PRMT8: variants seen among roughly 807,000 people sequenced by gnomAD.
PRMT8 encodes the protein protein arginine methyltransferase 8.
A neutral mutation model predicts 47.1 loss-of-function variants in PRMT8; 7 were observed. The ratio of observed to expected loss-of-function variants is 0.15; its 90% CI spans 0.08 to 0.28. PRMT8 has a LOEUF of 0.28. Among genes scored for constraint, PRMT8 ranks in the 10% least tolerant of loss-of-function variants. The pLI, the probability that PRMT8 is intolerant of heterozygous loss-of-function variation, is 1.00. For synonymous variants in PRMT8, 188 were observed against 186.5 expected (o/e 1.01, Z -0.07); for missense variants, 237 against 505.4 (o/e 0.47, Z 5.09).
At chr12:3,548,442 A>G (rs1591596618) in intron 2 of PRMT8, among the ~76,000 whole-genome samples, 1 of 152,268 alleles carries the variant, frequency 6.6e-6, no homozygotes, top group African/African-American at 2.4e-5. Flanking sequence ...ATATCTGATG[A>G]AGGACTAGCT....
At chr12:3,481,523 A>T (rs140446928) in intron 1 of PRMT8, among the ~76,000 whole-genome samples, 2 of 152,324 alleles carry the variant, frequency 1.3e-5, no homozygotes, top group African/African-American at 4.8e-5. Flanking sequence ...AATTCTGCAC[A>T]ACATCCAGCT....
At chr12:3,479,856 T>A (rs896639513) in intron 1 of PRMT8, among the ~76,000 whole-genome samples, 1 of 151,146 alleles carries the variant, frequency 6.6e-6, no homozygotes, top group African/African-American at 2.4e-5. Context: ...CTCTCAGATT[T>A]TTTTTTTTCA....
At chr12:3,486,488 G>GA (rs1865324729), upstream of PRMT8, among the ~76,000 whole-genome samples, 2 of 152,150 alleles carry the variant, frequency 1.3e-5, no homozygotes, top group East Asian at 1.9e-4. Context: ...AAAGTTAACA[G>GA]AAAAAAATAT....
chr12:3,575,559 G>GC (rs1327551447), intron 6 of PRMT8, among the ~76,000 whole-genome samples: 2 of 152,160 alleles, frequency 1.3e-5, no homozygotes, highest in Non-Finnish European at 2.9e-5. Context: ...TTGAGCCCTC[G>GC]CCCCCCTGTT....
intron 1 of PRMT8, among the ~76,000 whole-genome samples, chr12:3,388,115 G>A (rs759290544): frequency 3.3e-5 from 4 of 122,332 alleles, no homozygotes; most frequent in Non-Finnish European, 4.9e-5. Context: ...GGATCTAATT[G>A]AGGATCACAC....
chr12:3,568,614 CT>C (rs1483262514), intron 4 of PRMT8, 91 bp from the exon 5 acceptor site: 21 of 1,454,636 alleles, frequency 1.4e-5, no homozygotes, highest in Non-Finnish European at 1.8e-5. Flanking sequence ...CAGAATAGGG[CT>C]GAAACCTGGA....
intron 1 of PRMT8, among the ~76,000 whole-genome samples, chr12:3,536,300 C>T (rs559774334): frequency 6.6e-6 from 1 of 152,310 alleles, no homozygotes; most frequent in East Asian, 1.9e-4. Flanking sequence ...TGCCAGGCTG[C>T]AGACCAGGGT....
intron 1 of PRMT8, among the ~76,000 whole-genome samples, chr12:3,478,530 C>A (rs149680678): frequency 3.3e-5 from 5 of 152,294 alleles, no homozygotes; most frequent in Non-Finnish European, 7.3e-5. Flanking sequence ...CCTCAGATGA[C>A]ATGAAAGGAG....
intron 2 of PRMT8, among the ~76,000 whole-genome samples, chr12:3,545,731 A>T (rs900961039): frequency 6.6e-6 from 1 of 152,240 alleles, no homozygotes; most frequent in Admixed American, 6.5e-5. Flanking sequence ...ACAGAACTAA[A>T]GGAAGAAAAA....
At chr12:3,536,981 ACAT>A (rs1866128892) in intron 1 of PRMT8, among the ~76,000 whole-genome samples, 1 of 152,234 alleles carries the variant, frequency 6.6e-6, no homozygotes, top group African/African-American at 2.4e-5. Flanking sequence ...CTCAACAGCT[ACAT>A]CATTATGATG....
At chr12:3,534,859 T>A (rs566627602) in intron 1 of PRMT8, among the ~76,000 whole-genome samples, 4 of 152,372 alleles carry the variant, frequency 2.6e-5, no homozygotes, top group South Asian at 4.1e-4. Context: ...AAACAGATAC[T>A]GGTTGACATC....
intron 4 of PRMT8, among the ~76,000 whole-genome samples, chr12:3,568,347 T>TA (rs34278124): frequency 0.011 from 1,640 of 146,708 alleles, 31 homozygotes; most frequent in African/African-American, 0.037. Flanking sequence ...TTGGTGTAAA[T>TA]AAAAAAAAAA....
chr12:3,468,726 C>A lies in PRMT8; in HGVS notation c.49-71880C>A, dbSNP rs139855626. 3.2e-3 allele frequency among the ~76,000 whole-genome samples: 495 copies of A among 152,312 alleles called. 2 individuals are homozygous for A. Among genetic ancestry groups the A allele is most frequent in the African/African-American group, 0.01 (424 of 41,566 alleles). Reference sequence around the variant, plus strand: ...TATCTGGGGCCCACTTATCCAGAAACCTTAGCCATTGAGAAAATAGCCAAG... The same window carrying A: ...TATCTGGGGCCCACTTATCCAGAAAACTTAGCCATTGAGAAAATAGCCAAG... On this transcript the variant is annotated intron_variant, in intron 1 of 9. Transcript: ENST00000452611.
At chr12:3,444,392 C>T (rs1042847142) in intron 1 of PRMT8, among the ~76,000 whole-genome samples, 1 of 152,190 alleles carries the variant, frequency 6.6e-6, no homozygotes, top group Non-Finnish European at 1.5e-5. Flanking sequence ...CAGGTAACAG[C>T]CTGGAGACCA....
chr12:3,518,506 A>T (rs1865830863), intron 1 of PRMT8, among the ~76,000 whole-genome samples: 2 of 152,100 alleles, frequency 1.3e-5, no homozygotes, highest in South Asian at 4.2e-4. Context: ...AGGTAATGTC[A>T]ATCGTGAATA....
intron 1 of PRMT8, among the ~76,000 whole-genome samples, chr12:3,415,589 G>T (rs559604716): frequency 5.3e-5 from 8 of 152,260 alleles, no homozygotes; most frequent in African/African-American, 1.9e-4. Flanking sequence ...TCAGGAAACT[G>T]GATGAAGACC....
In PRMT8 at chr12:3,569,332, C is replaced by G; in HGVS notation, c.625-145C>G. On this transcript the variant is annotated intron_variant, in intron 5 of 9. Transcript: ENST00000382622. The surrounding 1 kb of genome is among the most constrained non-coding windows in gnomAD (Gnocchi z 8.2). ...AAAATTGAGCACTGCTGTCCTAGCC[C>G]TCACCCCAGACAAGGTGACAGTCCA... is the stretch of plus-strand genomic sequence containing the variant. The G allele has an allele frequency of 1.3e-6, 1 of 745,282 alleles. No individual in the cohort carries two copies. The highest frequency in any genetic ancestry group is 2.4e-6 in the Non-Finnish European group (1 of 415,808). The allele number at this position is 745,282 out of a possible 1,614,324, so 46.2% of individuals were successfully genotyped here.
At position 3,570,415 on chromosome 12, in the gene PRMT8, G is replaced by A. The variant is rs1321004929; in HGVS notation, c.712+851G>A. ...AAAGGAGCAAAGAACCCCTCAAACA[G>A]GCAAACACCCAAAAATCCAAATTAA... On this transcript the variant is annotated intron_variant, in intron 6 of 9. Coordinates refer to ENST00000382622, the MANE Select transcript of PRMT8 (RefSeq NM_019854.5). The surrounding 1 kb of genome is among the most constrained non-coding windows in gnomAD (Gnocchi z 5.5). 2.0e-5 allele frequency among the ~76,000 whole-genome samples: 3 copies of A among 152,226 alleles called. No individual in the cohort carries two copies. The East Asian group carries it at 5.8e-4, about 29-fold the overall frequency.
intron 1 of PRMT8, among the ~76,000 whole-genome samples, chr12:3,517,190 C>T (rs192913875): frequency 1.3e-5 from 2 of 152,290 alleles, no homozygotes; most frequent in African/African-American, 4.8e-5. Context: ...TGTGCCCGCT[C>T]ATCAGACACC....
Sources: allele counts gnomAD v4.1 joint callset (sites outside exome capture counted in the v4.1 genomes callset), GRCh38; gene constraint gnomAD v4.1.1; non-coding constraint Gnocchi (gnomAD v3.1); transcripts MANE v1.5; gene names NCBI Gene and HGNC (gene_info 2026-07-23, HGNC 2026-07-21).